The following ZNF783 variants were observed in gnomAD, a reference collection of about 807,000 sequenced individuals.
ZNF783 encodes the protein zinc finger protein 783, also known as protein ZNF783.
ZNF783 carries 25 observed loss-of-function variants against 31.3 expected under a neutral mutation model. That is an observed-to-expected ratio of 0.80 (90% confidence interval 0.58 to 1.11). The LOEUF (loss-of-function observed/expected upper bound fraction) is 1.11, where lower values mean the gene tolerates loss of function less well. ZNF783 is among the 50% of genes most tolerant of loss of function. The pLI is 0.00. For synonymous variants in ZNF783, 369 were observed against 319.1 expected, an observed-to-expected ratio of 1.16 and a Z score of -1.66; for missense variants, 797 against 760.0, an observed-to-expected ratio of 1.05 and a Z score of -0.57.
Position 149,278,542 on chromosome 7 carries a change from T to C in ZNF783, c.802+15T>C. On this transcript the variant is annotated intron_variant, in intron 5 of 5. Coordinates refer to ENST00000434415, the MANE Select transcript of ZNF783 (RefSeq NM_001195220.2). ...GCCAGAAGCAGGTGAGTGAGGACAG[T>C]GAGGCGGCAGGATGAACAGTGTCCC... 6.3e-7 allele frequency: 1 copy of C among 1,598,828 alleles called. No individual in the cohort carries two copies.
At chr7:149,266,789 G>A (rs200770128) in intron 2 of ZNF783, 30 bp from the exon 3 acceptor site, 8 of 1,613,762 alleles carry the variant, frequency 5.0e-6, no homozygotes, top group African/African-American at 2.7e-5. Context: ...TGAGCGTGTG[G>A]GTGAGTGAGT....
In ZNF783 at chr7:149,281,572, G is replaced by T. The variant is rs767409554; in HGVS notation, c.870G>T (p.Leu290=). 2 of 1,509,374 alleles carry T rather than the reference G, an allele frequency of 1.3e-6. 1 individual carries two copies. Among genetic ancestry groups the T allele is most frequent in the South Asian group, 2.6e-5 (2 of 75,598 alleles). 93.5% of individuals were successfully genotyped at this position (1,509,374 alleles called of 1,614,324 possible). A position where few individuals can be genotyped will look rare whatever the true frequency, so the allele number is the denominator to read the frequency against. Residue 290 remains leucine, a synonymous_variant, in exon 6 of 6, where the codon CTG becomes CTT. Coordinates refer to ENST00000434415, the MANE Select transcript of ZNF783 (RefSeq NM_001195220.2). ...EDEMTPERLF[L]GVSRGQTECR... ...AGATGACGCCTGAGCGGCTCTTTCT[G>T]GGGGTGTCCCGAGGCCAGACCGAGT... is the stretch of plus-strand genomic sequence containing the variant.
At chr7:149,276,471 T>C (rs916264398) in intron 4 of ZNF783, 1 of 985,586 alleles carries the variant, frequency 1.0e-6, no homozygotes, top group African/African-American at 1.7e-5. Context: ...TGTAACCCGT[T>C]GGTTTATAAC....
chr7:149,262,464 G>T, intron 1 of ZNF783, 107 bp downstream of exon 1: 3 of 952,014 alleles, frequency 3.2e-6, no homozygotes, highest in South Asian at 5.2e-5. Flanking sequence ...AGGGCCTTGC[G>T]CGCAGCCTCC....
At chr7:149,276,302 A>G (rs964590580) in intron 4 of ZNF783, 2 of 979,008 alleles carry the variant, frequency 2.0e-6, no homozygotes, top group Non-Finnish European at 2.4e-6. Context: ...CCACCTTGTG[A>G]TGCTTGGGGC....
At chr7:149,269,674 TTTATTA>T (rs771055079) in intron 4 of ZNF783, among the ~76,000 whole-genome samples, 1 of 152,116 alleles carries the variant, frequency 6.6e-6, no homozygotes, top group African/African-American at 2.4e-5. Context: ...TTTTTTAAAT[TTTATTA>T]TTATTATACT....
At chr7:149,279,264 G>A (rs1045903332) in intron 5 of ZNF783, among the ~76,000 whole-genome samples, 6 of 152,244 alleles carry the variant, frequency 3.9e-5, no homozygotes, top group Non-Finnish European at 7.3e-5. Context: ...GAGTTGGAGA[G>A]ATGGGACCCT....
At chr7:149,270,584 A>C (rs927255414) in intron 4 of ZNF783, among the ~76,000 whole-genome samples, 1 of 152,144 alleles carries the variant, frequency 6.6e-6, no homozygotes, top group East Asian at 1.9e-4. Flanking sequence ...AGATAATTGG[A>C]TATTTCATAT....
chr7:149,282,306 T>C lies in ZNF783; in HGVS notation c.1604T>C (p.Leu535Pro). ...FPAAPARHGSLPLPWPSRKEE... is the reference protein window; with the variant it reads ...FPAAPARHGSPPLPWPSRKEE... ...GCCGCCCCCGCCCGCCACGGGAGCC[T>C]GCCCCTGCCCTGGCCCAGCCGGAAG... Residue 535 changes from leucine to proline, a missense_variant, in exon 6 of 6, where the codon CTG (leucine) becomes CCG (proline). Physicochemically the swap from Leu to Pro is moderately conservative, Grantham distance 98 (BLOSUM62 -3). Coordinates refer to ENST00000434415, the MANE Select transcript of ZNF783 (RefSeq NM_001195220.2). 6.4e-7 allele frequency: 1 copy of C among 1,562,580 alleles called. No individual in the cohort carries two copies. The highest frequency in any genetic ancestry group is 8.6e-7 in the Non-Finnish European group (1 of 1,162,370).
chr7:149,281,669 G>A lies in ZNF783; in HGVS notation c.967G>A (p.Val323Met). ...TCATCAGGCCCAGGGCATGCCCAGGGTGCGGGCAGGGGAGCCACGGCCACC... is the reference window on the plus strand; with the variant it reads ...TCATCAGGCCCAGGGCATGCCCAGGATGCGGGCAGGGGAGCCACGGCCACC... ...SRHQAQGMPRVRAGEPRPPGA... is the reference protein window; with the variant it reads ...SRHQAQGMPRMRAGEPRPPGA... Residue 323 changes from valine to methionine, a missense_variant, in exon 6 of 6, where the codon GTG (valine) becomes ATG (methionine). By Grantham distance (21) the Val-to-Met change is conservative. Coordinates refer to ENST00000434415, the MANE Select transcript of ZNF783 (RefSeq NM_001195220.2). 1.3e-6 allele frequency: 2 copies of A among 1,515,360 alleles called. No homozygotes were observed. The highest frequency in any genetic ancestry group is 1.7e-6 in the Non-Finnish European group (2 of 1,143,198). The allele number at this position is 1,515,360 out of a possible 1,614,324, so 93.9% of individuals were successfully genotyped here.
chr7:149,264,103 G>T (rs1797004333), intron 1 of ZNF783, among the ~76,000 whole-genome samples: 1 of 152,044 alleles, frequency 6.6e-6, no homozygotes, highest in African/African-American at 2.4e-5. Flanking sequence ...CTGGACTCTT[G>T]TTAGCCCATC....
chr7:149,280,017 G>A (rs1244470813), intron 5 of ZNF783, among the ~76,000 whole-genome samples: 1 of 152,092 alleles, frequency 6.6e-6, no homozygotes, highest in East Asian at 1.9e-4. Context: ...GCTGGGCAGA[G>A]GGGCTCCTCA....
chr7:149,279,501 C>T (rs965243518), intron 5 of ZNF783, among the ~76,000 whole-genome samples: 14 of 152,316 alleles, frequency 9.2e-5, no homozygotes, highest in African/African-American at 1.7e-4. Context: ...CAGGGACTTG[C>T]GCACGTCCAG....
downstream of ZNF783, chr7:149,284,994 G>C (rs1215612135): frequency 6.5e-6 from 1 of 154,182 alleles, no homozygotes; most frequent in African/African-American, 2.4e-5. Flanking sequence ...ATAAACGAGT[G>C]CGTGCGCTTG....
rs757870946 is a variant in ZNF783 at position 149,282,327 on chromosome 7, G to C, written c.1625G>C (p.Arg542Pro). ...AGCCTGCCCCTGCCCTGGCCCAGCC[G>C]GAAGGAGGAGGGCTGACCTGGCAGG... ...HGSLPLPWPS[R>P]KEEG Residue 542 changes from arginine to proline, a missense_variant, in exon 6 of 6, where the codon CGG becomes CCG. Physicochemically the swap from Arg to Pro is moderately radical, Grantham distance 103. Coordinates refer to ENST00000434415, the MANE Select transcript of ZNF783 (RefSeq NM_001195220.2). 1 of 1,529,726 alleles carries C rather than the reference G, an allele frequency of 6.5e-7. No homozygotes were observed. The highest frequency in any genetic ancestry group is 1.4e-5 in the African/African-American group (1 of 73,128). The allele number at this position is 1,529,726 out of a possible 1,614,324, so 94.8% of individuals were successfully genotyped here.
chr7:149,263,657 G>A (rs985930683), intron 1 of ZNF783, among the ~76,000 whole-genome samples: 8 of 152,018 alleles, frequency 5.3e-5, no homozygotes, highest in African/African-American at 1.9e-4. Context: ...GCAGATTTTA[G>A]AATCTTGGTT....
rs1389449324 is a variant in ZNF783 at position 149,278,427 on chromosome 7, C to T, written c.702C>T (p.Thr234=). The change falls in exon 5 of 6, where the codon ACC becomes ACT. Residue 234 remains threonine (T), a synonymous_variant. Coordinates refer to ENST00000434415, the MANE Select transcript of ZNF783 (RefSeq NM_001195220.2). ...TGLPPYPEHL[T]SPLSPAQEEL... ...TCCCTCCGTATCCAGAGCACCTCAC[C>T]AGCCCACTTAGCCCTGCCCAGGAGG... 2.5e-6 allele frequency: 4 copies of T among 1,599,424 alleles called. 1 individual carries two copies. In the South Asian group the frequency reaches 4.4e-5, roughly 18 times the overall value.
At chr7:149,278,337 C>T in intron 4 of ZNF783, 62 bp from the exon 5 acceptor site, 1 of 1,590,124 alleles carries the variant, frequency 6.3e-7, no homozygotes, top group Non-Finnish European at 8.5e-7. Flanking sequence ...CCAGAGGGTC[C>T]CTGGTCATCT....
At position 149,262,679 on chromosome 7, in the gene ZNF783, G is replaced by C. The variant is rs898964716; in HGVS notation, c.24+322G>C. On this transcript the variant is annotated intron_variant, in intron 1 of 5. Coordinates refer to ENST00000434415, the MANE Select transcript of ZNF783 (RefSeq NM_001195220.2). ...GTATTGTCCCATTTGAGGCCTCGCG[G>C]CCCCCCCTACAGCAGGCTGGGCGGG... is the stretch of plus-strand genomic sequence containing the variant. 2.1e-3 allele frequency among the ~76,000 whole-genome samples: 321 copies of C among 152,120 alleles called. 2 individuals carry two copies. Among genetic ancestry groups the C allele is most frequent in the African/African-American group, 7.3e-3 (304 of 41,552 alleles).
Sources: gnomAD v4.1 joint callset for allele counts (sites outside exome capture counted in the v4.1 genomes callset) on GRCh38, gnomAD v4.1.1 for gene constraint, MANE v1.5 for transcripts, NCBI Gene and HGNC (gene_info 2026-07-23, HGNC 2026-07-21) for gene names.